Variants in ZMYND8 observed in about 807,000 individuals in gnomAD.
ZMYND8 encodes the protein zinc finger MYND-type containing 8.
In ZMYND8, 37 loss-of-function variants were observed where a neutral mutation model predicts 140.8. The observed-to-expected ratio is 0.26, with a 90% confidence interval of 0.20 to 0.35. The LOEUF is 0.35. ZMYND8 is among the 10% of genes least tolerant of loss of function. The pLI is 1.00. For missense variants in ZMYND8, 1,068 were observed against 1,570.0 expected (o/e 0.68, Z 5.40); for synonymous variants, 592 against 597.1 (o/e 0.99, Z 0.12).
chr20:47,331,757 G>T (rs2080962544), intron 2 of ZMYND8, among the ~76,000 whole-genome samples: 1 of 152,214 alleles, frequency 6.6e-6, no homozygotes, highest in African/African-American at 2.4e-5. Context: ...CTCCAGTACT[G>T]CAGAGACAGC....
At chr20:47,344,222 C>G (rs2082153123) in intron 2 of ZMYND8, among the ~76,000 whole-genome samples, 1 of 152,162 alleles carries the variant, frequency 6.6e-6, no homozygotes, top group African/African-American at 2.4e-5. Flanking sequence ...AGATGATCCC[C>G]CCACCTTGGC....
intron 10 of ZMYND8, among the ~76,000 whole-genome samples, chr20:47,279,719 C>T (rs890018457): frequency 1.3e-5 from 2 of 150,928 alleles, no homozygotes; most frequent in African/African-American, 2.4e-5. Context: ...GCACTTAAAA[C>T]ACTGCCCAGT....
At chr20:47,356,443 C>T (rs1340891686) in intron 1 of ZMYND8, 2 of 1,543,672 alleles carry the variant, frequency 1.3e-6, no homozygotes, top group Non-Finnish European at 1.7e-6. Flanking sequence ...GTGTGCCAGG[C>T]CCTTGCCAGT....
At chr20:47,245,485 A>G (rs1297749620) in intron 14 of ZMYND8, among the ~76,000 whole-genome samples, 1 of 152,156 alleles carries the variant, frequency 6.6e-6, no homozygotes, top group Non-Finnish European at 1.5e-5. Flanking sequence ...ACCTCAAATG[A>G]TCCACCCGCC....
intron 1 of ZMYND8, chr20:47,349,785 C>T (rs1025695338): frequency 1.8e-5 from 27 of 1,521,482 alleles, no homozygotes; most frequent in East Asian, 7.4e-5. Context: ...ATAGAGAAAA[C>T]GCTAATCTGT....
At chr20:47,356,573 G>T in intron 1 of ZMYND8, 84 bp downstream of exon 1, 1 of 1,613,794 alleles carries the variant, frequency 6.2e-7, no homozygotes, top group Non-Finnish European at 8.5e-7. Context: ...GGCACGGCCA[G>T]CCACAGAGAA....
At chr20:47,311,863 T>C (rs1189563462) in intron 2 of ZMYND8, among the ~76,000 whole-genome samples, 1 of 152,122 alleles carries the variant, frequency 6.6e-6, no homozygotes, top group Non-Finnish European at 1.5e-5. Flanking sequence ...AAAGTGAGAC[T>C]CTGTCTCAAA....
At chr20:47,268,922 C>G (rs145670890) in intron 11 of ZMYND8, among the ~76,000 whole-genome samples, 2 of 152,070 alleles carry the variant, frequency 1.3e-5, no homozygotes. Context: ...ATGACAAGGC[C>G]GGACGCAGTG....
rs551406196 is a variant in ZMYND8, at chr20:47,326,908, G to A, written c.86-16704C>T. On this transcript the variant is annotated intron_variant, in intron 2 of 22. Coordinates refer to ENST00000471951, the MANE Select transcript of ZMYND8 (RefSeq NM_001281775.3). ...ATTTGTCTTACAACACAGTCCCTCG[G>A]CTCTTATCAACTGCTACTGTATCTG... Among the ~76,000 whole-genome samples, 56 of 152,186 alleles carry A rather than the reference G, an allele frequency of 3.7e-4. 1 individual carries two copies. Among genetic ancestry groups the A allele is most frequent in the African/African-American group, 1.2e-3 (50 of 41,524 alleles).
At chr20:47,227,659 A>C (rs1198652044) in intron 17 of ZMYND8, among the ~76,000 whole-genome samples, 1 of 152,216 alleles carries the variant, frequency 6.6e-6, no homozygotes, top group Non-Finnish European at 1.5e-5. Context: ...ATCCACACTT[A>C]TTCACCTGAA....
intron 17 of ZMYND8, among the ~76,000 whole-genome samples, chr20:47,228,922 G>C (rs577898521): frequency 1.3e-5 from 2 of 152,252 alleles, no homozygotes; most frequent in East Asian, 3.9e-4. Context: ...AGCCCTGATA[G>C]GGAATTAGCC....
chr20:47,242,785 A>G (rs1272011107), intron 14 of ZMYND8, among the ~76,000 whole-genome samples: 1 of 152,256 alleles, frequency 6.6e-6, no homozygotes, highest in African/African-American at 2.4e-5. Flanking sequence ...CAAAATATTT[A>G]AATTTCCAGG....
At chr20:47,211,013 G>C (rs1305917598) in intron 22 of ZMYND8, 116 bp from the exon 23 acceptor site, 2 of 1,418,232 alleles carry the variant, frequency 1.4e-6, no homozygotes, top group Non-Finnish European at 1.9e-6. Context: ...CCCAATTGAT[G>C]GTTCAAACAC....
chr20:47,239,234 G>T, intron 14 of ZMYND8, 96 bp from the exon 15 acceptor site: 2 of 1,408,572 alleles, frequency 1.4e-6, no homozygotes, highest in Non-Finnish European at 1.9e-6. Flanking sequence ...TAAAACCTAT[G>T]AAAGCCAGGA....
chr20:47,294,963 A>C (rs949645675), intron 4 of ZMYND8, among the ~76,000 whole-genome samples, 184 bp from the exon 5 acceptor site: 1 of 152,244 alleles, frequency 6.6e-6, no homozygotes, highest in Non-Finnish European at 1.5e-5. Context: ...AACTATTAAA[A>C]AGCGTATCAA....
intron 12 of ZMYND8, among the ~76,000 whole-genome samples, chr20:47,255,226 A>G (rs2074502401): frequency 6.6e-6 from 1 of 152,154 alleles, no homozygotes; most frequent in African/African-American, 2.4e-5. Flanking sequence ...GGGCTCTAGA[A>G]ACTAAAAACT....
intron 3 of ZMYND8, among the ~76,000 whole-genome samples, chr20:47,306,273 T>C (rs950296796): frequency 4.6e-5 from 7 of 151,954 alleles, no homozygotes; most frequent in Admixed American, 1.3e-4. Context: ...CATGTGCCGA[T>C]AGTCCCAGCT....
At chr20:47,303,114 G>A (rs2078196819) in intron 3 of ZMYND8, among the ~76,000 whole-genome samples, 1 of 152,060 alleles carries the variant, frequency 6.6e-6, no homozygotes, top group Admixed American at 6.6e-5. Flanking sequence ...AATGTAGAGG[G>A]TCTGCTCTCT....
At chr20:47,333,323 G>A (rs759772074) in intron 2 of ZMYND8, among the ~76,000 whole-genome samples, 6 of 151,358 alleles carry the variant, frequency 4.0e-5, no homozygotes, top group South Asian at 2.1e-4. Context: ...GGGCAACATC[G>A]TGAGACCCCA....
Sources: allele counts gnomAD v4.1 joint callset (sites outside exome capture counted in the v4.1 genomes callset), GRCh38; gene constraint gnomAD v4.1.1; transcripts MANE v1.5; gene names NCBI Gene and HGNC (gene_info 2026-07-23, HGNC 2026-07-21).